AGBL4: variants seen among roughly 807,000 people sequenced by gnomAD.
The protein encoded by AGBL4 is cytosolic carboxypeptidase 6.
In AGBL4, 58 loss-of-function variants were observed where a neutral mutation model predicts 66.4. The observed-to-expected ratio is 0.87, with a 90% CI of 0.71 to 1.09. AGBL4 has a LOEUF of 1.09. AGBL4 is among the 50% of genes least tolerant of loss of function. AGBL4 has a pLI of 0.00. For synonymous variants in AGBL4, 234 were observed against 222.9 expected (o/e 1.05, Z -0.44); for missense variants, 579 against 631.0 (o/e 0.92, Z 0.88).
chr1:49,373,226 C>G (rs1438322688), intron 3 of AGBL4, among the ~76,000 whole-genome samples: 3 of 152,212 alleles, frequency 2.0e-5, no homozygotes, highest in African/African-American at 4.8e-5. Flanking sequence ...ACTGAGAACT[C>G]TTTGTGAGCA....
chr1:49,094,862 GGT>G (rs1645066359), intron 4 of AGBL4, among the ~76,000 whole-genome samples: 1 of 152,072 alleles, frequency 6.6e-6, no homozygotes, highest in Non-Finnish European at 1.5e-5. Flanking sequence ...GGAAATAAAG[GGT>G]ATTCAGTTAG....
intron 9 of AGBL4, among the ~76,000 whole-genome samples, chr1:48,630,173 CTT>C (rs1445542767): frequency 6.6e-6 from 1 of 152,158 alleles, no homozygotes; most frequent in Non-Finnish European, 1.5e-5. Context: ...TGGTTAAACA[CTT>C]TGTTTTCAAG....
chr1:49,831,021 T>C (rs1308392636), intron 2 of AGBL4, among the ~76,000 whole-genome samples: 1 of 152,220 alleles, frequency 6.6e-6, no homozygotes, highest in Non-Finnish European at 1.5e-5. Context: ...CTTTGTAATA[T>C]ATTTTGAAGT....
intron 3 of AGBL4, among the ~76,000 whole-genome samples, chr1:49,352,320 A>G (rs1643926505): frequency 6.6e-6 from 1 of 151,618 alleles, no homozygotes; most frequent in Non-Finnish European, 1.5e-5. Context: ...GCCAGTTTGA[A>G]TAAAGTATTC....
At chr1:49,138,742 C>A (rs1190537858) in intron 4 of AGBL4, among the ~76,000 whole-genome samples, 1 of 152,092 alleles carries the variant, frequency 6.6e-6, no homozygotes, top group Non-Finnish European at 1.5e-5. Context: ...GGAATGGTTT[C>A]TCAAATATAC....
intron 5 of AGBL4, among the ~76,000 whole-genome samples, chr1:48,990,339 T>C (rs1476669095): frequency 6.6e-6 from 1 of 152,182 alleles, no homozygotes; most frequent in Non-Finnish European, 1.5e-5. Context: ...TTATGGGTTG[T>C]CTCTTCACTT....
At position 49,236,180 on chromosome 1, in the gene AGBL4, C is replaced by T. The variant is rs144582133; in HGVS notation, c.377+9590G>A. ...GAATAGCTGGGATTATAGGTGCCCA[C>T]CACCATGCCTGGCTAATTTTTTTTT... On this transcript the variant is annotated intron_variant, in intron 4 of 13. Coordinates refer to ENST00000371839, the MANE Select transcript of AGBL4 (RefSeq NM_032785.4). 6.1e-3 allele frequency among the ~76,000 whole-genome samples: 929 copies of T among 152,136 alleles called. 14 individuals carry two copies. The highest frequency in any genetic ancestry group is 0.021 in the African/African-American group (873 of 41,510).
intron 6 of AGBL4, among the ~76,000 whole-genome samples, chr1:48,821,090 A>G (rs1355627615): frequency 6.6e-6 from 1 of 152,230 alleles, no homozygotes; most frequent in Non-Finnish European, 1.5e-5. Flanking sequence ...TATCATTAAA[A>G]AGCAAAACAA....
At chr1:48,744,357 G>T (rs191618949) in intron 6 of AGBL4, among the ~76,000 whole-genome samples, 5 of 152,352 alleles carry the variant, frequency 3.3e-5, no homozygotes, top group Non-Finnish European at 7.3e-5. Flanking sequence ...GGGATCACAG[G>T]TTAAAATTTT....
intron 3 of AGBL4, among the ~76,000 whole-genome samples, chr1:49,287,231 TAA>T (rs1644434147): frequency 7.2e-6 from 1 of 137,932 alleles, no homozygotes; most frequent in Non-Finnish European, 1.6e-5. Flanking sequence ...ATTAAAGACT[TAA>T]ACGTTAGACC....
At chr1:49,761,097 T>C (rs1001955034) in intron 2 of AGBL4, among the ~76,000 whole-genome samples, 1 of 148,908 alleles carries the variant, frequency 6.7e-6, no homozygotes, top group African/African-American at 2.5e-5. Flanking sequence ...CGTATACCTA[T>C]GTAACAAACC....
At chr1:48,635,823 A>G (rs1645659577) in intron 8 of AGBL4, among the ~76,000 whole-genome samples, 1 of 152,232 alleles carries the variant, frequency 6.6e-6, no homozygotes, top group Admixed American at 6.5e-5. Context: ...TGCTCTAAAC[A>G]GAGGGGATCA....
At chr1:48,594,035 A>G (rs1418416886) in intron 9 of AGBL4, among the ~76,000 whole-genome samples, 2 of 152,064 alleles carry the variant, frequency 1.3e-5, no homozygotes, top group Non-Finnish European at 2.9e-5. Flanking sequence ...ATGTTTAAAG[A>G]TGATTTGCAG....
chr1:48,594,271 C>T (rs1644962711), intron 9 of AGBL4, among the ~76,000 whole-genome samples: 1 of 152,146 alleles, frequency 6.6e-6, no homozygotes, highest in African/African-American at 2.4e-5. Flanking sequence ...TTGCAGTGAG[C>T]TGAGATCGCA....
At chr1:49,205,322 T>C (rs1648044479) in intron 4 of AGBL4, among the ~76,000 whole-genome samples, 1 of 152,104 alleles carries the variant, frequency 6.6e-6, no homozygotes, top group Admixed American at 6.6e-5. Context: ...TTGTTCCCTG[T>C]GCCCCTTAAA....
chr1:49,023,129 C>T (rs1161094177), intron 5 of AGBL4, among the ~76,000 whole-genome samples: 1 of 152,174 alleles, frequency 6.6e-6, no homozygotes, highest in Non-Finnish European at 1.5e-5. Flanking sequence ...TGCCTACTTA[C>T]CTGGTCATCC....
intron 3 of AGBL4, among the ~76,000 whole-genome samples, chr1:49,317,269 A>C (rs1645056997): frequency 6.6e-6 from 1 of 151,884 alleles, no homozygotes; most frequent in Non-Finnish European, 1.5e-5. Flanking sequence ...GTTTCAGATA[A>C]AAGTTTCTGG....
chr1:49,417,078 G>C (rs994094761), intron 3 of AGBL4, among the ~76,000 whole-genome samples: 4 of 152,038 alleles, frequency 2.6e-5, no homozygotes, highest in African/African-American at 9.7e-5. Context: ...ATGCAGACAT[G>C]TGTTACAATT....
At chr1:49,015,567 C>G (rs1344354943) in intron 5 of AGBL4, among the ~76,000 whole-genome samples, 1 of 151,572 alleles carries the variant, frequency 6.6e-6, no homozygotes, top group African/African-American at 2.4e-5. Context: ...GGACTACAGG[C>G]GCCCGCCACC....
Sources: gnomAD v4.1 joint callset for allele counts (sites outside exome capture counted in the v4.1 genomes callset) on GRCh38, gnomAD v4.1.1 for gene constraint, MANE v1.5 for transcripts, NCBI Gene and HGNC (gene_info 2026-07-23, HGNC 2026-07-21) for gene names.